FKBP1B: variants seen among roughly 807,000 people sequenced by gnomAD.
The protein encoded by FKBP1B is peptidyl-prolyl cis-trans isomerase FKBP1B.
A neutral mutation model predicts 13.5 loss-of-function variants in FKBP1B; 4 were observed. The ratio of observed to expected loss-of-function variants is 0.30; its 90% CI spans 0.15 to 0.68. The LOEUF is 0.68. Ranked by LOEUF, FKBP1B falls within the 30% of genes least tolerant of loss-of-function variation. The pLI, the probability that FKBP1B is intolerant of heterozygous loss-of-function variation, is 0.76. For missense variants in FKBP1B, 93 were observed against 136.2 expected, an observed-to-expected ratio of 0.68 and a Z score of 1.58; for synonymous variants, 54 against 53.6, an observed-to-expected ratio of 1.01 and a Z score of -0.03.
intron 2 of FKBP1B, among the ~76,000 whole-genome samples, chr2:24,059,111 TG>T (rs1664264005): frequency 6.6e-6 from 1 of 151,954 alleles, no homozygotes. Flanking sequence ...AGAGCCAGAG[TG>T]AAGTCAAAAC....
At chr2:24,057,624 C>A (rs972159501) in intron 2 of FKBP1B, among the ~76,000 whole-genome samples, 1 of 152,022 alleles carries the variant, frequency 6.6e-6, no homozygotes, top group African/African-American at 2.4e-5. Context: ...CTGCTCGCCT[C>A]GGCCTCCCAA....
At chr2:24,062,110 A>C (rs1435246045) in intron 3 of FKBP1B, among the ~76,000 whole-genome samples, 1 of 151,870 alleles carries the variant, frequency 6.6e-6, no homozygotes, top group African/African-American at 2.4e-5. Flanking sequence ...TGACCTCGTG[A>C]TCTGCCCGCC....
chr2:24,056,303 G>A (rs929278835), intron 2 of FKBP1B, among the ~76,000 whole-genome samples: 2 of 151,460 alleles, frequency 1.3e-5, no homozygotes, highest in Non-Finnish European at 2.9e-5. Context: ...TTTTGGTTTT[G>A]GCCTACTCTG....
chr2:24,048,919 A>G (rs1663721984), upstream of FKBP1B, among the ~76,000 whole-genome samples: 1 of 152,080 alleles, frequency 6.6e-6, no homozygotes, highest in African/African-American at 2.4e-5. Flanking sequence ...CCCAGGGCGC[A>G]TTTCTTTGCC....
chr2:24,049,983 A>G (rs1573677325), intron 1 of FKBP1B, 97 bp downstream of exon 1: 2 of 982,664 alleles, frequency 2.0e-6, no homozygotes, highest in Non-Finnish European at 2.7e-6. Context: ...AGGGTGCTGA[A>G]GGGTCGGGGG....
chr2:24,049,637 G>A (rs983248377), upstream of FKBP1B: 11 of 374,748 alleles, frequency 2.9e-5, no homozygotes, highest in Non-Finnish European at 4.7e-5. Flanking sequence ...CCCGGGCCCC[G>A]CCCCGGCCGA....
At chr2:24,041,184 C>A in the FKBP1B span, among the ~76,000 whole-genome samples, 2 of 150,790 alleles carry the variant, frequency 1.3e-5, no homozygotes, top group African/African-American at 4.9e-5. Flanking sequence ...AATAATAATA[C>A]AAAAATTAGC....
At chr2:24,039,342 G>A in the FKBP1B span, 1 of 1,614,246 alleles carries the variant, frequency 6.2e-7, no homozygotes, top group South Asian at 1.1e-5. Flanking sequence ...CAATGACTTT[G>A]GAGTCCCCAA....
upstream of FKBP1B, among the ~76,000 whole-genome samples, chr2:24,049,011 G>T (rs1043349364): frequency 3.9e-5 from 6 of 152,094 alleles, no homozygotes; most frequent in Non-Finnish European, 8.8e-5. Context: ...ATGGGGGAGA[G>T]TCAGCAATTA....
At position 24,049,750 on chromosome 2, in the gene FKBP1B, G is replaced by C. The variant is rs973200376; in HGVS notation, c.-100G>C. 3.1e-6 allele frequency: 3 copies of C among 977,580 alleles called. No individual in the cohort carries two copies. In the African/African-American group the frequency reaches 5.1e-5, roughly 17 times the overall value. The allele number at this position is 977,580 out of a possible 1,614,324, so 60.6% of individuals were successfully genotyped here. On this transcript the variant is annotated 5_prime_UTR_variant, in exon 1 of 4. Coordinates refer to ENST00000380986, the MANE Select transcript of FKBP1B (RefSeq NM_004116.5). ...CACCTCCTCCGGCTCTGCAGTGGCG[G>C]CGAGGAGGCGAGCCGGAGCGACGGC...
At chr2:24,039,555 A>G in the FKBP1B span, 51 of 1,553,806 alleles carry the variant, frequency 3.3e-5, no homozygotes, top group African/African-American at 4.6e-4. Flanking sequence ...AGAAATCTAG[A>G]CAAATCTAGA....
intron 1 of FKBP1B, among the ~76,000 whole-genome samples, chr2:24,052,964 C>T (rs1437547192): frequency 1.3e-5 from 2 of 151,862 alleles, no homozygotes; most frequent in Non-Finnish European, 2.9e-5. Context: ...CACACTGAGA[C>T]CCCTACTCTT....
chr2:24,042,140 G>A, the FKBP1B span, among the ~76,000 whole-genome samples: 1 of 152,082 alleles, frequency 6.6e-6, no homozygotes, highest in South Asian at 2.1e-4. Flanking sequence ...GGCAGCTCAC[G>A]CCTGTAATCC....
upstream of FKBP1B, chr2:24,049,601 G>A (rs553302589): frequency 1.1e-4 from 39 of 358,526 alleles, no homozygotes; most frequent in Non-Finnish European, 1.6e-4. Context: ...GGCCAGGCTC[G>A]CTAACAGCCG....
chr2:24,059,500 G>A (rs531516879), intron 2 of FKBP1B, among the ~76,000 whole-genome samples: 80 of 152,260 alleles, frequency 5.3e-4, no homozygotes, highest in African/African-American at 1.9e-3. Context: ...TCCCTTTTGG[G>A]GGAAACTTAG....
chr2:24,038,800 T>A, the FKBP1B span: 1 of 1,614,220 alleles, frequency 6.2e-7, no homozygotes, highest in Non-Finnish European at 8.5e-7. Flanking sequence ...TTCAGATGCA[T>A]TTAAGCCACA....
chr2:24,049,362 CTCTG>C (rs1032372143), upstream of FKBP1B, among the ~76,000 whole-genome samples: 76 of 152,148 alleles, frequency 5.0e-4, no homozygotes, highest in African/African-American at 1.8e-3. Context: ...GAGCAAGATC[CTCTG>C]TCTAAAATAA....
At chr2:24,039,132 C>T in the FKBP1B span, 1 of 1,614,078 alleles carries the variant, frequency 6.2e-7, no homozygotes, top group African/African-American at 1.3e-5. Context: ...ATTTTGGGTG[C>T]CACACACAGC....
chr2:24,054,066 G>A (rs762352216), intron 2 of FKBP1B, 117 bp downstream of exon 2: 1 of 978,250 alleles, frequency 1.0e-6, no homozygotes, highest in Non-Finnish European at 1.6e-6. Context: ...CAAGGCAGCA[G>A]GGTCTCCCTG....
Sources: allele counts gnomAD v4.1 joint callset (sites outside exome capture counted in the v4.1 genomes callset), GRCh38; gene constraint gnomAD v4.1.1; transcripts MANE v1.5; gene names NCBI Gene and HGNC (gene_info 2026-07-23, HGNC 2026-07-21).